AGBL4: variants seen among roughly 807,000 people sequenced by gnomAD.
The protein encoded by AGBL4 is cytosolic carboxypeptidase 6.
A neutral mutation model predicts 66.4 loss-of-function variants in AGBL4; 58 were observed. The observed-to-expected ratio is 0.87, with a 90% CI of 0.71 to 1.09. The LOEUF (loss-of-function observed/expected upper bound fraction) is 1.09. Among genes scored for constraint, AGBL4 ranks in the 50% least tolerant of loss-of-function variants. The pLI is 0.00. For synonymous variants in AGBL4, 234 were observed against 222.9 expected, an observed-to-expected ratio of 1.05 and a Z score of -0.44; for missense variants, 579 against 631.0, an observed-to-expected ratio of 0.92 and a Z score of 0.88.
chr1:48,791,946 G>A (rs1340611314), intron 6 of AGBL4, among the ~76,000 whole-genome samples: 2 of 152,136 alleles, frequency 1.3e-5, no homozygotes, highest in Non-Finnish European at 2.9e-5. Flanking sequence ...TCCTTACCCT[G>A]CAGGAAATAA....
At chr1:49,242,445 T>C (rs965675254) in intron 4 of AGBL4, among the ~76,000 whole-genome samples, 22 of 152,040 alleles carry the variant, frequency 1.4e-4, no homozygotes, top group African/African-American at 4.6e-4. Flanking sequence ...CTTGGAATCA[T>C]GTGATTTCTG....
intron 8 of AGBL4, among the ~76,000 whole-genome samples, chr1:48,638,236 C>T (rs1303118532): frequency 1.3e-5 from 2 of 152,198 alleles, no homozygotes; most frequent in African/African-American, 2.4e-5. Context: ...TCCTTCTCAG[C>T]GTTGCCCCAC....
At chr1:49,081,103 A>G (rs962841644) in intron 4 of AGBL4, among the ~76,000 whole-genome samples, 1 of 152,210 alleles carries the variant, frequency 6.6e-6, no homozygotes, top group Non-Finnish European at 1.5e-5. Context: ...CAATTATTTA[A>G]TTCATTCATT....
intron 11 of AGBL4, among the ~76,000 whole-genome samples, chr1:48,570,345 G>A (rs1017984580): frequency 3.9e-5 from 6 of 152,182 alleles, no homozygotes; most frequent in African/African-American, 9.7e-5. Flanking sequence ...CCACAGCTTC[G>A]CAGTCTGCTG....
At chr1:49,149,700 A>G (rs1646289599) in intron 4 of AGBL4, among the ~76,000 whole-genome samples, 1 of 152,194 alleles carries the variant, frequency 6.6e-6, no homozygotes, top group Non-Finnish European at 1.5e-5. Flanking sequence ...GGTACCATGA[A>G]TGCTGAAGCA....
intron 4 of AGBL4, among the ~76,000 whole-genome samples, chr1:49,203,332 C>T (rs1306679329): frequency 6.6e-6 from 1 of 151,986 alleles, no homozygotes; most frequent in Non-Finnish European, 1.5e-5. Context: ...ACATTCACTG[C>T]AGCACTATAT....
chr1:48,864,083 C>A (rs1647759229), intron 6 of AGBL4, among the ~76,000 whole-genome samples: 1 of 151,842 alleles, frequency 6.6e-6, no homozygotes, highest in South Asian at 2.1e-4. Flanking sequence ...ACAATAAACT[C>A]CTAAAAATCA....
chr1:49,102,201 C>T (rs968454216), intron 4 of AGBL4, among the ~76,000 whole-genome samples: 1 of 152,168 alleles, frequency 6.6e-6, no homozygotes, highest in Non-Finnish European at 1.5e-5. Context: ...AATCCAGAGA[C>T]TATCTTGTGG....
intron 4 of AGBL4, among the ~76,000 whole-genome samples, chr1:49,117,065 GT>G (rs1411380926): frequency 0.013 from 1,921 of 146,346 alleles, 27 homozygotes; most frequent in African/African-American, 0.039. Context: ...TTTTGATGGG[GT>G]TTTTTTTTTT....
At chr1:48,661,148 T>C (rs1396235823) in intron 7 of AGBL4, among the ~76,000 whole-genome samples, 1 of 152,150 alleles carries the variant, frequency 6.6e-6, no homozygotes, top group Non-Finnish European at 1.5e-5. Context: ...AAGTATATGA[T>C]AATAAATCAG....
At chr1:49,584,585 C>T (rs888933933) in intron 3 of AGBL4, among the ~76,000 whole-genome samples, 3 of 151,766 alleles carry the variant, frequency 2.0e-5, no homozygotes, top group Non-Finnish European at 4.4e-5. Context: ...TTTTTTTCTC[C>T]TAAAATTTAC....
At chr1:48,910,541 T>A (rs1425326058) in intron 5 of AGBL4, among the ~76,000 whole-genome samples, 2 of 151,992 alleles carry the variant, frequency 1.3e-5, no homozygotes, top group African/African-American at 2.4e-5. Context: ...AGAAAAACAT[T>A]CATTAAGACA....
intron 3 of AGBL4, among the ~76,000 whole-genome samples, chr1:49,573,826 G>A (rs1644382477): frequency 6.6e-6 from 1 of 152,154 alleles, no homozygotes; most frequent in Admixed American, 6.5e-5. Flanking sequence ...GGATGTGTGG[G>A]AGAACCCTGA....
rs552837890 is a variant in AGBL4 at position 49,139,950 on chromosome 1, T to C, written c.378-94150A>G. 7.2e-5 allele frequency among the ~76,000 whole-genome samples: 11 copies of C among 152,224 alleles called. No individual in the cohort carries two copies. In the South Asian group the frequency reaches 1.9e-3, roughly 26 times the overall value. ...CTCCTTCTCAAGATATAAACACCTATATTTTTCATATCCACATACTACCAG... is the reference window on the plus strand; with the variant it reads ...CTCCTTCTCAAGATATAAACACCTACATTTTTCATATCCACATACTACCAG... On this transcript the variant is annotated intron_variant, in intron 4 of 13. Coordinates refer to ENST00000371839, the MANE Select transcript of AGBL4 (RefSeq NM_032785.4).
At chr1:49,684,808 G>A (rs2124572598) in intron 3 of AGBL4, among the ~76,000 whole-genome samples, 2 of 152,220 alleles carry the variant, frequency 1.3e-5, no homozygotes, top group East Asian at 1.9e-4. Flanking sequence ...CAGCTTTAAG[G>A]ACTGGATCAA....
At chr1:49,702,528 T>C (rs1009342079) in intron 2 of AGBL4, among the ~76,000 whole-genome samples, 5 of 151,792 alleles carry the variant, frequency 3.3e-5, no homozygotes, top group Admixed American at 6.6e-5. Context: ...CTTCACAAAC[T>C]CTTGCCAAAA....
intron 1 of AGBL4, among the ~76,000 whole-genome samples, chr1:49,946,498 T>C (rs901762496): frequency 5.3e-5 from 8 of 152,000 alleles, no homozygotes; most frequent in Non-Finnish European, 7.4e-5. Context: ...ATTTAAAAAT[T>C]ATTTAAACTG....
At chr1:49,706,055 G>C (rs888377160) in intron 2 of AGBL4, among the ~76,000 whole-genome samples, 2 of 152,026 alleles carry the variant, frequency 1.3e-5, no homozygotes, top group Non-Finnish European at 2.9e-5. Context: ...AGATGAGGCT[G>C]GACTCATAAA....
At chr1:49,500,938 G>T (rs2148763262) in intron 3 of AGBL4, among the ~76,000 whole-genome samples, 1 of 152,028 alleles carries the variant, frequency 6.6e-6, no homozygotes, top group South Asian at 2.1e-4. Flanking sequence ...TTGATGAAAG[G>T]TGCACTGAAT....
Sources: allele counts gnomAD v4.1 joint callset (sites outside exome capture counted in the v4.1 genomes callset), GRCh38; gene constraint gnomAD v4.1.1; transcripts MANE v1.5; gene names NCBI Gene and HGNC (gene_info 2026-07-23, HGNC 2026-07-21).